Variants in DENND1A observed in about 807,000 individuals in gnomAD.
DENND1A encodes the protein DENN domain-containing protein 1A.
In DENND1A, 51 loss-of-function variants were observed where a neutral mutation model predicts 113.7. The observed-to-expected ratio is 0.45, with a 90% CI of 0.36 to 0.57. DENND1A has a LOEUF of 0.57. DENND1A is among the 20% of genes least tolerant of loss of function. The pLI is 0.00. For missense variants in DENND1A, 1,258 were observed against 1,395.9 expected (o/e 0.90, Z 1.57); for synonymous variants, 565 against 570.8 (o/e 0.99, Z 0.14).
intron 13 of DENND1A, among the ~76,000 whole-genome samples, chr9:123,538,536 G>T (rs1165972193): frequency 6.6e-6 from 1 of 151,992 alleles, no homozygotes; most frequent in Non-Finnish European, 1.5e-5. Context: ...CAGATAGCAA[G>T]AGAGCTATCA....
chr9:123,775,390 T>C (rs1179136022), intron 3 of DENND1A, among the ~76,000 whole-genome samples: 3 of 152,142 alleles, frequency 2.0e-5, no homozygotes, highest in Non-Finnish European at 4.4e-5. Flanking sequence ...GTTATCAATA[T>C]TTCTGAAAGG....
chr9:123,488,947 G>T (rs2051122623), intron 13 of DENND1A, among the ~76,000 whole-genome samples: 1 of 152,168 alleles, frequency 6.6e-6, no homozygotes, highest in African/African-American at 2.4e-5. Flanking sequence ...GTCTGCAAAT[G>T]CTCCCCTCTG....
intron 13 of DENND1A, among the ~76,000 whole-genome samples, chr9:123,540,862 A>G (rs11793433): frequency 0.023 from 3,447 of 152,266 alleles, 58 homozygotes; most frequent in Non-Finnish European, 0.039. Context: ...GATGCTGGAA[A>G]CCATCACCAA....
chr9:123,678,986 C>A (rs904559414), intron 5 of DENND1A, among the ~76,000 whole-genome samples: 10 of 152,146 alleles, frequency 6.6e-5, no homozygotes, highest in African/African-American at 2.2e-4. Flanking sequence ...AAAACTCTTG[C>A]ACAGATTAGA....
At chr9:123,565,183 A>G (rs1589155326) in intron 12 of DENND1A, among the ~76,000 whole-genome samples, 3 of 151,794 alleles carry the variant, frequency 2.0e-5, no homozygotes, top group Non-Finnish European at 4.4e-5. Context: ...GTGGAGATGG[A>G]GTTTCACCAT....
intron 5 of DENND1A, among the ~76,000 whole-genome samples, chr9:123,711,596 C>G (rs1462318183): frequency 7.1e-6 from 1 of 140,914 alleles, no homozygotes; most frequent in Non-Finnish European, 1.6e-5. Flanking sequence ...CTACCTACTG[C>G]AAACCTAAAG....
At chr9:123,734,902 T>C (rs1382731035) in intron 5 of DENND1A, among the ~76,000 whole-genome samples, 3 of 152,170 alleles carry the variant, frequency 2.0e-5, no homozygotes, top group African/African-American at 7.2e-5. Context: ...AAAACTTGTG[T>C]AGGAACCAGT....
intron 2 of DENND1A, among the ~76,000 whole-genome samples, chr9:123,816,164 C>T (rs190380489): frequency 2.2e-4 from 33 of 152,156 alleles, no homozygotes; most frequent in African/African-American, 7.7e-4. Flanking sequence ...CCACACCCAA[C>T]TAATTTTTGT....
At chr9:123,793,582 T>C (rs1833329037) in intron 2 of DENND1A, among the ~76,000 whole-genome samples, 1 of 152,198 alleles carries the variant, frequency 6.6e-6, no homozygotes, top group Admixed American at 6.5e-5. Flanking sequence ...GGGTCTCCCG[T>C]CTAACAGTGG....
At chr9:123,776,382 T>A (rs921827998) in intron 3 of DENND1A, among the ~76,000 whole-genome samples, 1 of 152,194 alleles carries the variant, frequency 6.6e-6, no homozygotes, top group African/African-American at 2.4e-5. Context: ...TGTTCAAACA[T>A]AGGGAAGAAA....
At chr9:123,667,964 G>A (rs899753953) in intron 7 of DENND1A, among the ~76,000 whole-genome samples, 5 of 152,080 alleles carry the variant, frequency 3.3e-5, no homozygotes, top group East Asian at 3.9e-4. Context: ...GAGACTCAGC[G>A]GAGTTGAAAA....
intron 12 of DENND1A, among the ~76,000 whole-genome samples, chr9:123,581,475 C>T (rs2058890670): frequency 6.6e-6 from 1 of 151,928 alleles, no homozygotes; most frequent in African/African-American, 2.4e-5. Context: ...CTCTACAAAA[C>T]GTAGCTGGGT....
intron 1 of DENND1A, among the ~76,000 whole-genome samples, chr9:123,915,690 T>C (rs1588231646): frequency 6.6e-6 from 1 of 152,176 alleles, no homozygotes; most frequent in African/African-American, 2.4e-5. Context: ...GATTTATCTA[T>C]GGTTATGAGT....
chr9:123,762,544 C>A (rs1444101418), intron 4 of DENND1A, among the ~76,000 whole-genome samples: 1 of 152,206 alleles, frequency 6.6e-6, no homozygotes, highest in Non-Finnish European at 1.5e-5. Context: ...TACATGTGAG[C>A]TTCACTTTAA....
chr9:123,425,802 G>A (rs1308343544), intron 19 of DENND1A, among the ~76,000 whole-genome samples: 1 of 152,234 alleles, frequency 6.6e-6, no homozygotes, highest in Non-Finnish European at 1.5e-5. Context: ...GGTGGAGGTG[G>A]GGGCTTGTCA....
At chr9:123,644,438 C>T (rs1164652407) in intron 9 of DENND1A, among the ~76,000 whole-genome samples, 1,857 of 146,404 alleles carry the variant, frequency 0.013, 19 homozygotes, top group South Asian at 0.03. Flanking sequence ...TTATTTTTCA[C>T]CCAAACCAAC....
chr9:123,914,114 C>CA (rs1854608321), intron 1 of DENND1A, among the ~76,000 whole-genome samples: 1 of 151,710 alleles, frequency 6.6e-6, no homozygotes, highest in African/African-American at 2.4e-5. Context: ...TGCACTTTGC[C>CA]AAGAAACACA....
At chr9:123,912,959 C>T (rs749568301) in intron 1 of DENND1A, among the ~76,000 whole-genome samples, 11 of 152,176 alleles carry the variant, frequency 7.2e-5, no homozygotes, top group Admixed American at 2.0e-4. Context: ...AGCCAGAACT[C>T]CCACCCTACA....
intron 10 of DENND1A, among the ~76,000 whole-genome samples, chr9:123,627,315 T>C (rs1409578403): frequency 6.6e-6 from 1 of 152,218 alleles, no homozygotes; most frequent in African/African-American, 2.4e-5. Flanking sequence ...TTCTGGCCTG[T>C]CTATGGGCCT....
Sources: allele counts gnomAD v4.1 joint callset (sites outside exome capture counted in the v4.1 genomes callset), GRCh38; gene constraint gnomAD v4.1.1; transcripts MANE v1.5; gene names NCBI Gene and HGNC (gene_info 2026-07-23, HGNC 2026-07-21).